Variants in OSBPL1A observed in about 807,000 individuals in gnomAD.
OSBPL1A encodes the protein oxysterol-binding protein-related protein 1.
Under a neutral mutation model 137.1 loss-of-function variants are expected in OSBPL1A, and 80 were observed. The ratio of observed to expected loss-of-function variants is 0.58; its 90% confidence interval spans 0.49 to 0.70. The LOEUF (loss-of-function observed/expected upper bound fraction) is 0.70, where lower values mean the gene tolerates loss of function less well. Among genes scored for constraint, OSBPL1A ranks in the 30% least tolerant of loss-of-function variants. The pLI is 0.00. For missense variants in OSBPL1A, 970 were observed against 1,129.4 expected (o/e 0.86, Z 2.02); for synonymous variants, 365 against 389.7 (o/e 0.94, Z 0.75).
At chr18:24,322,367 C>T (rs112021519) in intron 7 of OSBPL1A, among the ~76,000 whole-genome samples, 7 of 151,142 alleles carry the variant, frequency 4.6e-5, no homozygotes, top group South Asian at 2.1e-4. Context: ...GTGATCTGCC[C>T]GCCTGGGCCT....
intron 2 of OSBPL1A, chr18:24,368,612 G>T (rs1382144723): frequency 2.7e-6 from 1 of 374,758 alleles, no homozygotes; most frequent in African/African-American, 2.0e-5. Context: ...AGGGAGACAG[G>T]ACGGGGGTTA....
chr18:24,170,062 A>C (rs945983126), intron 24 of OSBPL1A, among the ~76,000 whole-genome samples: 3 of 152,252 alleles, frequency 2.0e-5, no homozygotes, highest in African/African-American at 7.2e-5. Flanking sequence ...GAACTCCAAC[A>C]TTCCAAAGCT....
chr18:24,172,595 AACT>A, intron 21 of OSBPL1A, 112 bp from the exon 22 acceptor site: 2 of 691,466 alleles, frequency 2.9e-6, no homozygotes, highest in Non-Finnish European at 4.9e-6. Flanking sequence ...TGCTTGAGAT[AACT>A]ACGTTCTAAG....
intron 18 of OSBPL1A, among the ~76,000 whole-genome samples, chr18:24,195,573 A>G (rs2087006996): frequency 6.6e-6 from 1 of 152,192 alleles, no homozygotes; most frequent in Non-Finnish European, 1.5e-5. Flanking sequence ...AACTTTACCC[A>G]GAATCCTAGC....
At chr18:24,246,792 C>CAAAA (rs56268385) in intron 15 of OSBPL1A, among the ~76,000 whole-genome samples, 2 of 85,068 alleles carry the variant, frequency 2.4e-5, no homozygotes, top group South Asian at 4.6e-4. Context: ...CTCTGTCTCC[C>CAAAA]AAAAAAAAAA....
chr18:24,246,476 G>T (rs1001011919), intron 15 of OSBPL1A, among the ~76,000 whole-genome samples: 16 of 151,872 alleles, frequency 1.1e-4, no homozygotes, highest in Non-Finnish European at 1.8e-4. Flanking sequence ...AAAAGGGGAT[G>T]GAGGAGCCAA....
chr18:24,206,467 G>GAGTGAA (rs2087377553), intron 17 of OSBPL1A, among the ~76,000 whole-genome samples: 1 of 152,128 alleles, frequency 6.6e-6, no homozygotes, highest in Non-Finnish European at 1.5e-5. Context: ...CATATGACCA[G>GAGTGAA]AGTGAAAGTG....
chr18:24,171,548 G>A (rs1450758034), intron 22 of OSBPL1A, 50 bp from the exon 23 acceptor site: 11 of 1,423,018 alleles, frequency 7.7e-6, no homozygotes, highest in Admixed American at 3.7e-5. Context: ...CAAAGCAGCA[G>A]TAGAGAAAAA....
chr18:24,344,681 G>A (rs2091317349), intron 4 of OSBPL1A, among the ~76,000 whole-genome samples: 1 of 152,152 alleles, frequency 6.6e-6, no homozygotes, highest in South Asian at 2.1e-4. Context: ...CAGAGGACCT[G>A]GATGCCTAGA....
chr18:24,369,747 C>G (rs1214901835), intron 2 of OSBPL1A, among the ~76,000 whole-genome samples: 2 of 152,178 alleles, frequency 1.3e-5, no homozygotes, highest in Admixed American at 1.3e-4. Context: ...CTGTGGAACC[C>G]CTAATTACAC....
chr18:24,304,168 C>T (rs1281865219), intron 13 of OSBPL1A, among the ~76,000 whole-genome samples: 1 of 152,170 alleles, frequency 6.6e-6, no homozygotes, highest in African/African-American at 2.4e-5. Flanking sequence ...AAACCACAAG[C>T]TGATTCTCGT....
chr18:24,314,396 G>T, intron 11 of OSBPL1A, 49 bp from the exon 12 acceptor site: 1 of 1,292,110 alleles, frequency 7.7e-7, no homozygotes. Flanking sequence ...CATAAAAGAG[G>T]ACCCTAAAAT....
chr18:24,244,631 T>C (rs1285352998), intron 15 of OSBPL1A, among the ~76,000 whole-genome samples: 1 of 152,216 alleles, frequency 6.6e-6, no homozygotes, highest in Non-Finnish European at 1.5e-5. Context: ...TGTAAGCCTT[T>C]CCAGTAATCT....
At chr18:24,201,127 C>T (rs1200320960) in intron 17 of OSBPL1A, among the ~76,000 whole-genome samples, 1 of 152,124 alleles carries the variant, frequency 6.6e-6, no homozygotes, top group African/African-American at 2.4e-5. Context: ...TCTCTTCATA[C>T]AGAGAGAACA....
At chr18:24,164,833 G>A (rs554662012) in intron 27 of OSBPL1A, among the ~76,000 whole-genome samples, 24 of 152,298 alleles carry the variant, frequency 1.6e-4, no homozygotes, top group African/African-American at 5.8e-4. Context: ...GCATCCCCAC[G>A]TTTATGACAG....
intron 4 of OSBPL1A, chr18:24,358,288 A>T: frequency 1.7e-6 from 1 of 593,004 alleles, no homozygotes; most frequent in Non-Finnish European, 3.0e-6. Context: ...CAGTGTATAA[A>T]GGCCTGGCTG....
chr18:24,314,987 T>G (rs1406561348), intron 11 of OSBPL1A, among the ~76,000 whole-genome samples: 1 of 152,140 alleles, frequency 6.6e-6, no homozygotes. Context: ...AAGGTAGATT[T>G]CTTCAAGACC....
Position 24,170,511 on chromosome 18 carries a change from C to T in OSBPL1A, c.2292-58G>A, listed in dbSNP as rs1447833016. ...CCAGTGTTTGTTTTTTTAAAGCCGACAGCACCTGGTATTCCCAGGCGGTCT... is the reference window on the plus strand; with the variant it reads ...CCAGTGTTTGTTTTTTTAAAGCCGATAGCACCTGGTATTCCCAGGCGGTCT... On this transcript the variant is annotated intron_variant, in intron 23 of 27. Transcript: ENST00000319481. 1.0e-5 allele frequency: 16 copies of T among 1,604,848 alleles called. No homozygotes were observed. The East Asian group carries it at 1.1e-4, about 11-fold the overall frequency.
intron 17 of OSBPL1A, among the ~76,000 whole-genome samples, chr18:24,216,537 T>A (rs938263316): frequency 6.6e-6 from 1 of 152,158 alleles, no homozygotes; most frequent in Admixed American, 6.6e-5. Flanking sequence ...AAAACCATGT[T>A]CATAGATTTT....
Sources: gnomAD v4.1 joint callset for allele counts (sites outside exome capture counted in the v4.1 genomes callset) on GRCh38, gnomAD v4.1.1 for gene constraint, MANE v1.5 for transcripts, NCBI Gene and HGNC (gene_info 2026-07-23, HGNC 2026-07-21) for gene names.